Variants in PPP3CA observed in about 807,000 individuals in gnomAD.
The protein encoded by PPP3CA is protein phosphatase 3 catalytic subunit alpha, also known as CAM-PRP catalytic subunit.
In PPP3CA, 14 loss-of-function variants were observed where a neutral mutation model predicts 66.5. That is an observed-to-expected ratio of 0.21 (90% confidence interval 0.14 to 0.33). The LOEUF is 0.33. PPP3CA is among the 10% of genes least tolerant of loss of function. The probability of loss-of-function intolerance (pLI) is 1.00; values close to 1 mark genes in which losing one functional copy is unlikely to be tolerated. For synonymous variants in PPP3CA, 232 were observed against 226.2 expected (o/e 1.03, Z -0.23); for missense variants, 317 against 639.5 (o/e 0.50, Z 5.44).
rs1560604762 is a variant in PPP3CA at position 101,106,398 on chromosome 4, AAAGAAAG to A, written c.384+2549_384+2555del. ...AAAAGAAAGAAAGAAAGAAAGAAAGAAAGAAAGAAAGAAAGAAAGAAAGAAAGAAAGA... is the reference window on the plus strand; with the variant it reads ...AAAAGAAAGAAAGAAAGAAAGAAAGAAAAGAAAGAAAGAAAGAAAGAAAGA... On this transcript the variant is annotated intron_variant, in intron 3 of 13. Coordinates refer to ENST00000394854, the MANE Select transcript of PPP3CA (RefSeq NM_000944.5). Among the ~76,000 whole-genome samples the A allele has an allele frequency of 3.3e-3, 27 of 8,240 alleles. 3 individuals carry two copies. Among genetic ancestry groups the A allele is most frequent in the Admixed American group, 0.011 (6 of 528 alleles). 5.4% of individuals were successfully genotyped at this position (8,240 alleles called of 152,430 possible).
At chr4:101,068,113 T>C (rs1728759596) in intron 8 of PPP3CA, among the ~76,000 whole-genome samples, 1 of 152,154 alleles carries the variant, frequency 6.6e-6, no homozygotes, top group African/African-American at 2.4e-5. Context: ...GCTACTGTCT[T>C]TCATCTCCTT....
In PPP3CA at chr4:101,192,256, G is replaced by C. The variant is rs1056322628; in HGVS notation, c.259+3660C>G. Among the ~76,000 whole-genome samples the C allele has an allele frequency of 2.0e-5, 3 of 152,158 alleles. No individual in the cohort carries two copies. In the East Asian group the frequency reaches 5.8e-4, roughly 29 times the overall value. On this transcript the variant is annotated intron_variant, in intron 2 of 13. Transcript: ENST00000394854. ...TATAAAAGGTCTTGTAATAAAAATA[G>C]GATTAAATCCCCCTACCCTGCCATG...
At chr4:101,253,274 T>C (rs1180022021) in intron 1 of PPP3CA, among the ~76,000 whole-genome samples, 1 of 152,192 alleles carries the variant, frequency 6.6e-6, no homozygotes, top group Non-Finnish European at 1.5e-5. Flanking sequence ...TATTATTTTT[T>C]AGCATACATT....
At chr4:101,095,893 A>C (rs1044952188) in intron 5 of PPP3CA, among the ~76,000 whole-genome samples, 1 of 152,044 alleles carries the variant, frequency 6.6e-6, no homozygotes, top group African/African-American at 2.4e-5. Context: ...CTCATGATCC[A>C]CTTGCCTCGG....
intron 1 of PPP3CA, among the ~76,000 whole-genome samples, chr4:101,262,630 T>C (rs1352346833): frequency 2.6e-5 from 4 of 152,126 alleles, no homozygotes; most frequent in Non-Finnish European, 5.9e-5. Context: ...CTCAAACACA[T>C]GAAGTTAGGT....
chr4:101,071,844 G>T (rs911502986), intron 8 of PPP3CA, among the ~76,000 whole-genome samples: 1 of 152,202 alleles, frequency 6.6e-6, no homozygotes, highest in African/African-American at 2.4e-5. Flanking sequence ...TTAGAGAGTA[G>T]TGATTTTTAA....
At chr4:101,037,240 A>G (rs1727293756) in intron 11 of PPP3CA, among the ~76,000 whole-genome samples, 1 of 152,216 alleles carries the variant, frequency 6.6e-6, no homozygotes, top group Non-Finnish European at 1.5e-5. Flanking sequence ...CACACCTGAC[A>G]GGACAATTGT....
intron 6 of PPP3CA, among the ~76,000 whole-genome samples, chr4:101,088,296 T>TAG (rs2110244864): frequency 6.6e-6 from 1 of 152,190 alleles, no homozygotes; most frequent in African/African-American, 2.4e-5. Context: ...TAAAACTTAG[T>TAG]AGAGAGAGGC....
chr4:101,303,076 T>A (rs1207232001), intron 1 of PPP3CA, among the ~76,000 whole-genome samples: 1 of 152,122 alleles, frequency 6.6e-6, no homozygotes, highest in African/African-American at 2.4e-5. Context: ...AGAGATTCAA[T>A]CTCCACTGTG....
At chr4:101,037,009 G>A (rs550664501) in intron 11 of PPP3CA, among the ~76,000 whole-genome samples, 2 of 152,130 alleles carry the variant, frequency 1.3e-5, no homozygotes, top group South Asian at 4.1e-4. Context: ...TAACAGGAAA[G>A]AGATATATTA....
At chr4:101,085,187 C>A (rs1729610128) in intron 6 of PPP3CA, among the ~76,000 whole-genome samples, 1 of 152,152 alleles carries the variant, frequency 6.6e-6, no homozygotes. Flanking sequence ...CCTTCCCTAT[C>A]TTTTTTCTTT....
chr4:101,195,309 C>T (rs1012754258), intron 2 of PPP3CA, among the ~76,000 whole-genome samples: 15 of 151,070 alleles, frequency 9.9e-5, no homozygotes, highest in South Asian at 6.3e-4. Context: ...CAAAATGCTA[C>T]GGGCAAAAGA....
At chr4:101,330,483 C>G (rs1729349182) in intron 1 of PPP3CA, 1 of 517,240 alleles carries the variant, frequency 1.9e-6, no homozygotes, top group South Asian at 1.5e-5. Context: ...ATCATTAGCA[C>G]AACGGTTATG....
At chr4:101,282,092 G>T (rs1578626229) in intron 1 of PPP3CA, among the ~76,000 whole-genome samples, 1 of 152,110 alleles carries the variant, frequency 6.6e-6, no homozygotes, top group African/African-American at 2.4e-5. Context: ...CGCATCTATG[G>T]CAAGTTTGAA....
At chr4:101,091,393 T>C (rs1729934244) in intron 6 of PPP3CA, among the ~76,000 whole-genome samples, 1 of 152,196 alleles carries the variant, frequency 6.6e-6, no homozygotes, top group Non-Finnish European at 1.5e-5. Flanking sequence ...ATACCATGCG[T>C]CTTTAATTCA....
At chr4:101,187,405 G>C (rs1416194748) in intron 2 of PPP3CA, among the ~76,000 whole-genome samples, 1 of 152,068 alleles carries the variant, frequency 6.6e-6, no homozygotes, top group African/African-American at 2.4e-5. Context: ...TTTCTAAGGA[G>C]CTAAAATCTT....
intron 11 of PPP3CA, among the ~76,000 whole-genome samples, chr4:101,038,546 T>G (rs993044788): frequency 6.6e-6 from 1 of 152,054 alleles, no homozygotes; most frequent in African/African-American, 2.4e-5. Context: ...ATTTTCGTAT[T>G]TTTAGTAGAG....
chr4:101,279,505 A>T (rs369174684), intron 1 of PPP3CA, among the ~76,000 whole-genome samples: 12 of 152,306 alleles, frequency 7.9e-5, no homozygotes, highest in African/African-American at 2.9e-4. Context: ...GTTAGTAAAG[A>T]GTGGGAAAAA....
chr4:101,283,896 G>A (rs768749881), intron 1 of PPP3CA, among the ~76,000 whole-genome samples: 1 of 152,146 alleles, frequency 6.6e-6, no homozygotes, highest in Non-Finnish European at 1.5e-5. Flanking sequence ...TCTCAAGACC[G>A]ACGTTTCGGT....
Sources: allele counts gnomAD v4.1 joint callset (sites outside exome capture counted in the v4.1 genomes callset), GRCh38; gene constraint gnomAD v4.1.1; transcripts MANE v1.5; gene names NCBI Gene and HGNC (gene_info 2026-07-23, HGNC 2026-07-21).